Variants in IL1RAPL1 observed in about 807,000 individuals in gnomAD.
IL1RAPL1 encodes interleukin-1 receptor accessory protein-like 1.
IL1RAPL1 carries 3 observed loss-of-function variants against 48.4 expected under a neutral mutation model. The observed-to-expected ratio is 0.06, with a 90% CI of 0.03 to 0.16. The LOEUF (loss-of-function observed/expected upper bound fraction) is 0.16. IL1RAPL1 is among the 10% of genes least tolerant of loss of function. The pLI is 1.00. For synonymous variants in IL1RAPL1, 185 were observed against 187.7 expected (o/e 0.99, Z 0.12); for missense variants, 349 against 530.6 (o/e 0.66, Z 3.36).
chrX:29,397,522 A>G (rs1221964939), intron 4 of IL1RAPL1, among the ~76,000 whole-genome samples: 1 of 111,957 alleles, frequency 8.9e-6, no homozygotes, highest in Admixed American at 9.5e-5. Flanking sequence ...TTTCAATCCT[A>G]GACCATGTTA....
intron 2 of IL1RAPL1, among the ~76,000 whole-genome samples, chrX:28,814,339 G>GTT (rs34744942): frequency 1.1e-3 from 86 of 78,268 alleles, no homozygotes; most frequent in African/African-American, 4.5e-3. Flanking sequence ...CAATTTTCAG[G>GTT]TTTGTGTGTG....
chrX:29,329,669 C>A (rs908531761), intron 3 of IL1RAPL1, among the ~76,000 whole-genome samples: 2 of 109,638 alleles, frequency 1.8e-5, no homozygotes, highest in Admixed American at 1.9e-4. Flanking sequence ...AAAAATTAGC[C>A]GGTCGTGGTG....
chrX:28,820,013 T>TATATATAC (rs1569180036), intron 2 of IL1RAPL1, among the ~76,000 whole-genome samples: 1 of 67,400 alleles, frequency 1.5e-5, no homozygotes, highest in African/African-American at 5.8e-5. Flanking sequence ...TATATATATA[T>TATATATAC]ACATGTACTG....
chrX:29,037,109 T>C (rs970698247), intron 2 of IL1RAPL1, among the ~76,000 whole-genome samples: 1 of 112,023 alleles, frequency 8.9e-6, no homozygotes, highest in African/African-American at 3.2e-5. Flanking sequence ...AAACTTCTGT[T>C]CTGCTTCAGT....
intron 5 of IL1RAPL1, among the ~76,000 whole-genome samples, chrX:29,604,976 C>A (rs1016270179): frequency 9.1e-6 from 1 of 109,558 alleles, no homozygotes; most frequent in Non-Finnish European, 1.9e-5. Flanking sequence ...GTCAGTGATT[C>A]ATTTTGGAAT....
chrX:29,382,632 A>T (rs1437252790), intron 3 of IL1RAPL1, among the ~76,000 whole-genome samples: 2 of 112,326 alleles, frequency 1.8e-5, no homozygotes, highest in Non-Finnish European at 3.8e-5. Flanking sequence ...TGAAACTGAG[A>T]AAAGAGAGCA....
intron 3 of IL1RAPL1, among the ~76,000 whole-genome samples, chrX:29,367,863 A>G (rs1933488048): frequency 9.1e-6 from 1 of 109,948 alleles, no homozygotes; most frequent in African/African-American, 3.3e-5. Context: ...ACAGGCGTGA[A>G]CCACCATGCC....
At chrX:29,378,749 G>T (rs1440088679) in intron 3 of IL1RAPL1, among the ~76,000 whole-genome samples, 1 of 111,756 alleles carries the variant, frequency 8.9e-6, no homozygotes, top group Non-Finnish European at 1.9e-5. Context: ...GTATTTCCTT[G>T]CATTTGCAGC....
intron 2 of IL1RAPL1, among the ~76,000 whole-genome samples, chrX:28,902,054 A>G: frequency 8.9e-6 from 1 of 112,040 alleles, no homozygotes. Context: ...TTCTCCAGAA[A>G]TCGTCAGTAA....
intron 8 of IL1RAPL1, among the ~76,000 whole-genome samples, chrX:29,921,217 C>T (rs1395212238): frequency 8.9e-6 from 1 of 112,178 alleles, no homozygotes; most frequent in Non-Finnish European, 1.9e-5. Context: ...AATAATTTTT[C>T]TACATTATGC....
Position 28,947,379 on chromosome X carries a change from G to A in IL1RAPL1, c.82+157954G>A, listed in dbSNP as rs1024889787. 5.4e-5 allele frequency among the ~76,000 whole-genome samples: 6 copies of A among 111,633 alleles called. No homozygotes were observed. The East Asian group carries it at 1.7e-3, about 32-fold the overall frequency. On this transcript the variant is annotated intron_variant, in intron 2 of 10. Transcript: ENST00000378993. ...TCACGTATTCAAATTGTACTGAGTG[G>A]CTGGTATGGTAAGTGCCATGAGAGG...
intron 2 of IL1RAPL1, among the ~76,000 whole-genome samples, chrX:29,137,275 C>CACAT (rs1204865804): frequency 1.9e-5 from 2 of 106,347 alleles, no homozygotes; most frequent in East Asian, 5.8e-4. Flanking sequence ...CACACACACA[C>CACAT]ACACACACAC....
Position 29,751,897 on chromosome X carries a change from G to T in IL1RAPL1, c.778+83393G>T, listed in dbSNP as rs188133682. ...TAGTGAGCTGTGATCACACAGCTGT[G>T]CTCCAGCCTGGACAACAGAGTGAGA... On this transcript the variant is annotated intron_variant, in intron 6 of 10. Coordinates refer to ENST00000378993, the MANE Select transcript of IL1RAPL1 (RefSeq NM_014271.4). Among the ~76,000 whole-genome samples the T allele has an allele frequency of 4.9e-3, 527 of 107,170 alleles. 2 individuals are homozygous for T. The highest frequency in any genetic ancestry group is 0.02 in the Middle Eastern group (4 of 201). 93.1% of individuals were successfully genotyped at this position (107,170 alleles called of 115,157 possible). A position where few individuals can be genotyped will look rare whatever the true frequency, so the allele number is the denominator to read the frequency against.
intron 2 of IL1RAPL1, among the ~76,000 whole-genome samples, chrX:29,021,627 C>T (rs1262769648): frequency 8.9e-6 from 1 of 111,979 alleles, no homozygotes; most frequent in African/African-American, 3.2e-5. Flanking sequence ...AAATCTTCTC[C>T]CTTTGCTACT....
rs1305050837 is a variant in IL1RAPL1 at position 29,955,722 on chromosome X, A to G, written c.1993A>G (p.Lys665Glu). Reference sequence around the variant, plus strand: ...CATCAACGGGCAGCGGCCACAGACAAAATCGAGCAGGGAGCAGAATCCAGA... The same window carrying G: ...CATCAACGGGCAGCGGCCACAGACAGAATCGAGCAGGGAGCAGAATCCAGA... ...TLINGQRPQT[K>E]SSREQNPDEA... The change falls in exon 11 of 11, where the codon AAA becomes GAA. Residue 665 changes from lysine to glutamate, a missense_variant. Lys to Glu is a moderately conservative substitution (Grantham distance 56, BLOSUM62 1). Coordinates refer to ENST00000378993, the MANE Select transcript of IL1RAPL1 (RefSeq NM_014271.4). The G allele has an allele frequency of 1.6e-5, 19 of 1,209,681 alleles. No homozygotes were observed. The highest frequency in any genetic ancestry group is 2.1e-5 in the Non-Finnish European group (19 of 895,136).
rs1403884849 is a variant in IL1RAPL1, at chrX:29,517,294, T to G, written c.703+117986T>G. ...TATATATTTCATAATAATTTCTATT[T>G]ATAGACATATATCCTTATGATTTTT... On this transcript the variant is annotated intron_variant, in intron 5 of 10. Coordinates refer to ENST00000378993, the MANE Select transcript of IL1RAPL1 (RefSeq NM_014271.4). 3.6e-5 allele frequency among the ~76,000 whole-genome samples: 4 copies of G among 110,703 alleles called. No individual in the cohort carries two copies. In the East Asian group the frequency reaches 1.1e-3, roughly 31 times the overall value.
chrX:28,955,764 C>G (rs1924591837), intron 2 of IL1RAPL1, among the ~76,000 whole-genome samples: 1 of 100,756 alleles, frequency 9.9e-6, no homozygotes, highest in African/African-American at 3.8e-5. Flanking sequence ...GTGATGCGGG[C>G]TCTTTTTTGG....
intron 2 of IL1RAPL1, among the ~76,000 whole-genome samples, chrX:29,245,099 A>G (rs1355674190): frequency 2.7e-5 from 3 of 111,468 alleles, no homozygotes; most frequent in Non-Finnish European, 5.6e-5. Flanking sequence ...TGCGAAGGAC[A>G]TGATCTCATC....
At chrX:29,892,118 T>G (rs551479226) in intron 6 of IL1RAPL1, among the ~76,000 whole-genome samples, 1 of 112,539 alleles carries the variant, frequency 8.9e-6, no homozygotes, top group East Asian at 2.8e-4. Flanking sequence ...AGTTTTAACA[T>G]GATTGCCTAG....
Sources: allele counts gnomAD v4.1 joint callset (sites outside exome capture counted in the v4.1 genomes callset), GRCh38; gene constraint gnomAD v4.1.1; transcripts MANE v1.5; gene names NCBI Gene and HGNC (gene_info 2026-07-23, HGNC 2026-07-21).